RNF144B: variants seen among roughly 807,000 people sequenced by gnomAD.
RNF144B encodes the protein E3 ubiquitin-protein ligase RNF144B.
In RNF144B, 25 loss-of-function variants were observed where a neutral mutation model predicts 40.2. The observed-to-expected ratio is 0.62, with a 90% CI of 0.45 to 0.87. The LOEUF (loss-of-function observed/expected upper bound fraction) is 0.87, where lower values mean the gene tolerates loss of function less well. RNF144B is among the 40% of genes least tolerant of loss of function. RNF144B has a pLI of 0.00. For synonymous variants in RNF144B, 145 were observed against 136.3 expected (o/e 1.06, Z -0.44); for missense variants, 365 against 373.7 (o/e 0.98, Z 0.19).
At chr6:18,401,871 A>G (rs929568035) in intron 2 of RNF144B, 1 of 24,260 alleles carries the variant, frequency 4.1e-5, no homozygotes, top group Non-Finnish European at 1.3e-4. Context: ...GGGAGTATCC[A>G]CATGTAATGA....
rs561798269 is a variant in RNF144B at position 18,419,062 on chromosome 6, C to T, written c.166-8519C>T. 1.2e-4 allele frequency among the ~76,000 whole-genome samples: 19 copies of T among 152,212 alleles called. No homozygotes were observed. The highest frequency in any genetic ancestry group is 2.4e-4 in the Non-Finnish European group (16 of 68,016). ...AAAACCTCAGACCCCACCCAAGATC[C>T]ACTGAATCAGAATCTGCATTTTTGA... On this transcript the variant is annotated intron_variant, in intron 2 of 7. Coordinates refer to ENST00000259939, the MANE Select transcript of RNF144B (RefSeq NM_182757.4). This position sits in a 1 kb window ranked among gnomAD's most constrained non-coding sequence, Gnocchi z 4.6.
intron 2 of RNF144B, among the ~76,000 whole-genome samples, chr6:18,417,402 A>G (rs1795164968): frequency 6.6e-6 from 1 of 152,176 alleles, no homozygotes; most frequent in African/African-American, 2.4e-5. Context: ...TAGAATTGAG[A>G]GTCCATAAAT....
intron 1 of RNF144B, among the ~76,000 whole-genome samples, chr6:18,393,076 G>A (rs941302955): frequency 2.7e-4 from 40 of 149,582 alleles, no homozygotes; most frequent in Non-Finnish European, 4.7e-4. Context: ...AGCCGAGATC[G>A]CGCCACTGCA....
At chr6:18,409,008 T>C (rs1181955853) in intron 2 of RNF144B, among the ~76,000 whole-genome samples, 1 of 150,944 alleles carries the variant, frequency 6.6e-6, no homozygotes, top group Non-Finnish European at 1.5e-5. Context: ...TTTCATCCCA[T>C]TGCCTCTAAG....
rs572111854 is a variant in RNF144B at position 18,400,251 on chromosome 6, C to A, written c.165+552C>A. On this transcript the variant is annotated intron_variant, in intron 2 of 7. Transcript: ENST00000259939. The surrounding 1 kb of genome is among the most constrained non-coding windows in gnomAD (Gnocchi z 5.6). ...TCAGGCCACTGCACTCCAGCCTGGG[C>A]GACAGAGCGAGACTCTGTCTCAAAA... 6.9e-6 allele frequency among the ~76,000 whole-genome samples: 1 copy of A among 144,886 alleles called. No individual in the cohort carries two copies.
intron 2 of RNF144B, among the ~76,000 whole-genome samples, chr6:18,403,523 C>T (rs1340628103): frequency 6.6e-6 from 1 of 152,128 alleles, no homozygotes; most frequent in Non-Finnish European, 1.5e-5. Flanking sequence ...GTAGTTAGAA[C>T]TCCTTTTACT....
In RNF144B at chr6:18,419,389, G is replaced by A. The variant is rs1417382802; in HGVS notation, c.166-8192G>A. On this transcript the variant is annotated intron_variant, in intron 2 of 7. Transcript: ENST00000259939. The surrounding 1 kb of genome is among the most constrained non-coding windows in gnomAD (Gnocchi z 4.6). ...TTCTCCTGAGAGCAAATAGGCAGTG[G>A]ACTAGCACAACTGGTTCTATATAGC... 3.3e-5 allele frequency among the ~76,000 whole-genome samples: 5 copies of A among 152,196 alleles called. No individual in the cohort carries two copies.
rs1177702279 is a variant in RNF144B at position 18,416,221 on chromosome 6, T to G, written c.166-11360T>G. ...TGGGATTAGTATAAAAAGTGGGGCC[T>G]CCTTCTGTTAAGAAAGGCAGCACAA... On this transcript the variant is annotated intron_variant, in intron 2 of 7. Coordinates refer to ENST00000259939, the MANE Select transcript of RNF144B (RefSeq NM_182757.4). This position sits in a 1 kb window ranked among gnomAD's most constrained non-coding sequence, Gnocchi z 5.5. Among the ~76,000 whole-genome samples the G allele has an allele frequency of 1.3e-5, 2 of 152,198 alleles. No individual in the cohort carries two copies. The highest frequency in any genetic ancestry group is 3.9e-4 in the East Asian group (2 of 5,188).
rs1237414875 is a variant in RNF144B, at chr6:18,412,852, A to G, written c.165+13153A>G. Among the ~76,000 whole-genome samples the G allele has an allele frequency of 6.6e-6, 1 of 152,190 alleles. No individual in the cohort carries two copies. The highest frequency in any genetic ancestry group is 1.5e-5 in the Non-Finnish European group (1 of 68,030). On this transcript the variant is annotated intron_variant, in intron 2 of 7. Transcript: ENST00000259939. This position sits in a 1 kb window ranked among gnomAD's most constrained non-coding sequence, Gnocchi z 4.2. ...TGGTTTTGAATCATTTCCCACCCAC[A>G]GTAAGGAGGTCTTTTTGGTTTGACT...
At chr6:18,462,031 G>C (rs1405614492) in intron 6 of RNF144B, among the ~76,000 whole-genome samples, 3 of 152,116 alleles carry the variant, frequency 2.0e-5, no homozygotes, top group Non-Finnish European at 4.4e-5. Context: ...TTCCTCTCCT[G>C]TGGTTTCAAT....
chr6:18,451,187 A>C (rs984040397), intron 4 of RNF144B, among the ~76,000 whole-genome samples: 4 of 152,024 alleles, frequency 2.6e-5, no homozygotes, highest in African/African-American at 9.7e-5. Flanking sequence ...CATTGTATTC[A>C]TTTTAAACAT....
rs940937118 is a variant in RNF144B, at chr6:18,460,070, C to T, written c.681+319C>T. On this transcript the variant is annotated intron_variant, in intron 6 of 7. Coordinates refer to ENST00000259939, the MANE Select transcript of RNF144B (RefSeq NM_182757.4). The surrounding 1 kb of genome is among the most constrained non-coding windows in gnomAD (Gnocchi z 4.4). ...TGCTGTTGTAACGAATTAGCACATACTTAGTGGCTTAAAATACCACAAACT... is the reference window on the plus strand; with the variant it reads ...TGCTGTTGTAACGAATTAGCACATATTTAGTGGCTTAAAATACCACAAACT... 1.3e-5 allele frequency among the ~76,000 whole-genome samples: 2 copies of T among 152,200 alleles called. No individual in the cohort carries two copies. The highest frequency in any genetic ancestry group is 2.4e-5 in the African/African-American group (1 of 41,444).
rs1758958076 is a variant in RNF144B, at chr6:18,441,238, A to T, written c.331+1494A>T. ...ACATCCTCCACTATAAAAATCAATT[A>T]TAATTAGAACATGGACATTCCCAGT... is the stretch of plus-strand genomic sequence containing the variant. On this transcript the variant is annotated intron_variant, in intron 4 of 7. Transcript: ENST00000259939. This position sits in a 1 kb window ranked among gnomAD's most constrained non-coding sequence, Gnocchi z 4.9. Among the ~76,000 whole-genome samples, 1 of 152,190 alleles carries T rather than the reference A, an allele frequency of 6.6e-6. No individual in the cohort carries two copies. Among genetic ancestry groups the T allele is most frequent in the South Asian group, 2.1e-4 (1 of 4,834 alleles).
rs1015523260 is a variant in RNF144B at position 18,457,539 on chromosome 6, T to G, written c.536+180T>G. 6.6e-6 allele frequency among the ~76,000 whole-genome samples: 1 copy of G among 152,178 alleles called. No individual in the cohort carries two copies. Among genetic ancestry groups the G allele is most frequent in the Admixed American group, 6.5e-5 (1 of 15,280 alleles). On this transcript the variant is annotated intron_variant, in intron 5 of 7. Transcript: ENST00000259939. This position sits in a 1 kb window ranked among gnomAD's most constrained non-coding sequence, Gnocchi z 5.1. ...GCCAACAAAAAAGCATTTCTAGTTG[T>G]TTGCCCCAGAGGAATCTTCCAGATA... is the stretch of plus-strand genomic sequence containing the variant.
Position 18,443,225 on chromosome 6 carries a change from G to A in RNF144B, c.331+3481G>A, listed in dbSNP as rs1463563026. On this transcript the variant is annotated intron_variant, in intron 4 of 7. Transcript: ENST00000259939. This position sits in a 1 kb window ranked among gnomAD's most constrained non-coding sequence, Gnocchi z 4.7. Reference sequence around the variant, plus strand: ...TCCTCATTTTATGAAAAACGTAACAGGCCCAGAGGCAATTTCCTCTTAAGT... The same window carrying A: ...TCCTCATTTTATGAAAAACGTAACAAGCCCAGAGGCAATTTCCTCTTAAGT... Among the ~76,000 whole-genome samples, 2 of 152,084 alleles carry A rather than the reference G, an allele frequency of 1.3e-5. No individual in the cohort carries two copies. Among genetic ancestry groups the A allele is most frequent in the Admixed American group, 6.6e-5 (1 of 15,250 alleles).
At chr6:18,407,443 C>T (rs1794934931) in intron 2 of RNF144B, among the ~76,000 whole-genome samples, 1 of 152,130 alleles carries the variant, frequency 6.6e-6, no homozygotes, top group African/African-American at 2.4e-5. Flanking sequence ...AGTAGATAAT[C>T]TAGATAAATT....
At chr6:18,439,653 A>T (rs1177694389) in intron 3 of RNF144B, 31 bp from the exon 4 acceptor site, 2 of 1,546,648 alleles carry the variant, frequency 1.3e-6, no homozygotes, top group Admixed American at 3.3e-5. Flanking sequence ...ATGATGACTG[A>T]AGTCTCAACC....
rs555498535 is a variant in RNF144B at position 18,387,861 on chromosome 6, T to C, written c.-37+231T>C. Among the ~76,000 whole-genome samples, 5 of 152,308 alleles carry C rather than the reference T, an allele frequency of 3.3e-5. No individual in the cohort carries two copies. The South Asian group carries it at 8.3e-4, about 25-fold the overall frequency. On this transcript the variant is annotated intron_variant, in intron 1 of 7. Coordinates refer to ENST00000259939, the MANE Select transcript of RNF144B (RefSeq NM_182757.4). ...AGTAGTTTCATTTCTAATAAAACAG[T>C]TTCTATAATAGAATGTATTGTAGAA...
chr6:18,465,923 C>T lies in RNF144B; in HGVS notation c.*856C>T, dbSNP rs1293031102. 6.6e-6 allele frequency: 1 copy of T among 152,202 alleles called. No individual in the cohort carries two copies. The highest frequency in any genetic ancestry group is 1.5e-5 in the Non-Finnish European group (1 of 68,040). 9.4% of individuals were successfully genotyped at this position (152,202 alleles called of 1,614,324 possible). On this transcript the variant is annotated 3_prime_UTR_variant, in exon 8 of 8. Coordinates refer to ENST00000259939, the MANE Select transcript of RNF144B (RefSeq NM_182757.4). ...AGATATCTGGGACCTTTCTCAGGAT[C>T]TGTGTTCACACAGCCAATAGATTTG...
Sources: gnomAD v4.1 joint callset for allele counts (sites outside exome capture counted in the v4.1 genomes callset) on GRCh38, gnomAD v4.1.1 for gene constraint, Gnocchi (gnomAD v3.1) non-coding constraint, MANE v1.5 for transcripts, NCBI Gene and HGNC (gene_info 2026-07-23, HGNC 2026-07-21) for gene names.